The following KIAA1217 variants were observed in gnomAD, a reference collection of about 807,000 sequenced individuals.
The protein encoded by KIAA1217 is KIAA1217.
A neutral mutation model predicts 163.9 loss-of-function variants in KIAA1217; 88 were observed. The ratio of observed to expected loss-of-function variants is 0.54; its 90% CI spans 0.45 to 0.64. KIAA1217 has a LOEUF of 0.64. KIAA1217 is among the 30% of genes least tolerant of loss of function. KIAA1217 has a pLI of 0.00. For missense variants in KIAA1217, 2,372 were observed against 2,475.0 expected, an observed-to-expected ratio of 0.96 and a Z score of 0.88; for synonymous variants, 903 against 923.1, an observed-to-expected ratio of 0.98 and a Z score of 0.39.
chr10:24,039,131 T>C (rs1564627590), intron 2 of KIAA1217, among the ~76,000 whole-genome samples: 1 of 152,044 alleles, frequency 6.6e-6, no homozygotes, highest in South Asian at 2.1e-4. Context: ...AGCCCAGATA[T>C]GCCAATTTTT....
chr10:23,755,119 G>T (rs568892035), intron 1 of KIAA1217, among the ~76,000 whole-genome samples: 1 of 152,076 alleles, frequency 6.6e-6, no homozygotes, highest in South Asian at 2.1e-4. Flanking sequence ...TGGCACCCAC[G>T]GCGGACGCTT....
At chr10:24,440,062 A>G (rs2060363935) in intron 5 of KIAA1217, among the ~76,000 whole-genome samples, 1 of 152,212 alleles carries the variant, frequency 6.6e-6, no homozygotes, top group African/African-American at 2.4e-5. Flanking sequence ...GAATGACGAC[A>G]TTGTGGGATC....
chr10:24,538,613 G>GAGGA (rs2074453276), intron 17 of KIAA1217, among the ~76,000 whole-genome samples: 1 of 60,476 alleles, frequency 1.7e-5, no homozygotes, highest in Admixed American at 1.8e-4. Context: ...AGGAAAAAGA[G>GAGGA]AGGAAGGAAA....
At chr10:24,460,153 G>A (rs2062236563) in intron 5 of KIAA1217, among the ~76,000 whole-genome samples, 1 of 152,086 alleles carries the variant, frequency 6.6e-6, no homozygotes, top group South Asian at 2.1e-4. Context: ...GAAAGCAGAT[G>A]GGTTTTCAAA....
chr10:24,330,173 A>G (rs1423491144), intron 2 of KIAA1217, among the ~76,000 whole-genome samples: 4 of 151,778 alleles, frequency 2.6e-5, no homozygotes, highest in Non-Finnish European at 4.4e-5. Context: ...GGTGGCGTGC[A>G]CCTGTAATCC....
chr10:23,745,226 C>T (rs887888441), intron 1 of KIAA1217, among the ~76,000 whole-genome samples: 1 of 152,062 alleles, frequency 6.6e-6, no homozygotes, highest in Non-Finnish European at 1.5e-5. Flanking sequence ...TCCCCAGTGC[C>T]TATAATATAA....
At chr10:24,413,310 C>T (rs1475053325) in intron 3 of KIAA1217, among the ~76,000 whole-genome samples, 3 of 152,084 alleles carry the variant, frequency 2.0e-5, no homozygotes, top group African/African-American at 4.8e-5. Context: ...CTCAGCCTCC[C>T]GAGTAGCTGG....
At chr10:24,279,376 G>T (rs1290842769) in intron 2 of KIAA1217, among the ~76,000 whole-genome samples, 1 of 151,850 alleles carries the variant, frequency 6.6e-6, no homozygotes, top group Non-Finnish European at 1.5e-5. Context: ...GGCATTGATG[G>T]CATCTGACTC....
At chr10:24,171,210 A>G (rs2065613698) in intron 2 of KIAA1217, among the ~76,000 whole-genome samples, 1 of 152,192 alleles carries the variant, frequency 6.6e-6, no homozygotes, top group South Asian at 2.1e-4. Context: ...TGACATTGTT[A>G]TCATGATCAT....
At chr10:23,907,939 CA>C (rs113746199) in intron 1 of KIAA1217, among the ~76,000 whole-genome samples, 112 of 141,684 alleles carry the variant, frequency 7.9e-4, no homozygotes, top group Non-Finnish European at 9.0e-4. Flanking sequence ...GGAAACACAG[CA>C]AAAAAAAAAA....
At chr10:23,755,661 T>C (rs1338950831) in intron 1 of KIAA1217, among the ~76,000 whole-genome samples, 2 of 152,176 alleles carry the variant, frequency 1.3e-5, no homozygotes, top group Non-Finnish European at 1.5e-5. Flanking sequence ...GGGAGAAGAC[T>C]TAATAGGTTA....
At chr10:24,241,642 C>G (rs2073118123) in intron 2 of KIAA1217, among the ~76,000 whole-genome samples, 2 of 152,130 alleles carry the variant, frequency 1.3e-5, no homozygotes, top group Non-Finnish European at 2.9e-5. Flanking sequence ...ATATACTGTC[C>G]TTTATTCCTT....
chr10:23,857,605 G>A (rs953178454), intron 1 of KIAA1217, among the ~76,000 whole-genome samples: 1 of 152,096 alleles, frequency 6.6e-6, no homozygotes, highest in African/African-American at 2.4e-5. Context: ...GAAGGTCTAG[G>A]GTCGGGGCCC....
At chr10:24,105,625 T>A (rs2131729321) in intron 2 of KIAA1217, among the ~76,000 whole-genome samples, 1 of 152,340 alleles carries the variant, frequency 6.6e-6, no homozygotes, top group African/African-American at 2.4e-5. Flanking sequence ...TTCTGCTGTC[T>A]CCCTTGGAGC....
At chr10:24,120,121 T>C (rs937138484) in intron 2 of KIAA1217, among the ~76,000 whole-genome samples, 2 of 152,210 alleles carry the variant, frequency 1.3e-5, no homozygotes, top group Non-Finnish European at 2.9e-5. Flanking sequence ...TGGTTAGCCC[T>C]TCAGTTAAAG....
rs188450602 is a variant in KIAA1217 at position 24,099,914 on chromosome 10, C to T, written c.-171+92540C>T. Among the ~76,000 whole-genome samples the T allele has an allele frequency of 1.6e-4, 25 of 152,122 alleles. No homozygotes were observed. The East Asian group carries it at 4.5e-3, about 27-fold the overall frequency. On this transcript the variant is annotated intron_variant, in intron 2 of 18. Coordinates refer to the KIAA1217 transcript ENST00000376462. ...TTTGCCACTGCAGAGATGATTCCCA[C>T]CTCAAATGCTGCCTCATTTCACCTG...
At position 23,761,983 on chromosome 10, in the gene KIAA1217, C is replaced by G. The variant is rs1428698006; in HGVS notation, c.-321+66749C>G. Among the ~76,000 whole-genome samples the G allele has an allele frequency of 2.0e-5, 3 of 152,124 alleles. No homozygotes were observed. In the East Asian group the frequency reaches 5.8e-4, roughly 29 times the overall value. On this transcript the variant is annotated intron_variant, in intron 1 of 18. Transcript: ENST00000376462. Reference sequence around the variant, plus strand: ...AGATGATACTATTAACACCTCTATACAAATAAACTAGAACATCTAGAAGAA... The same window carrying G: ...AGATGATACTATTAACACCTCTATAGAAATAAACTAGAACATCTAGAAGAA...
intron 1 of KIAA1217, among the ~76,000 whole-genome samples, chr10:23,753,764 A>G (rs1833775657): frequency 6.6e-6 from 1 of 152,234 alleles, no homozygotes; most frequent in South Asian, 2.1e-4. Flanking sequence ...CAGTTTATCA[A>G]TGAAAAGTAA....
At chr10:23,813,431 C>G (rs1837168630) in intron 1 of KIAA1217, among the ~76,000 whole-genome samples, 1 of 151,720 alleles carries the variant, frequency 6.6e-6, no homozygotes, top group Non-Finnish European at 1.5e-5. Flanking sequence ...CTGTCCTATT[C>G]TTTTCTTTCT....
Sources: gnomAD v4.1 joint callset for allele counts (sites outside exome capture counted in the v4.1 genomes callset) on GRCh38, gnomAD v4.1.1 for gene constraint, MANE v1.5 for transcripts, NCBI Gene and HGNC (gene_info 2026-07-23, HGNC 2026-07-21) for gene names.